The following B3GALNT1 variants were observed in gnomAD, a reference collection of about 807,000 sequenced individuals.
B3GALNT1 encodes UDP-GalNAc:beta-1,3-N-acetylgalactosaminyltransferase 1.
A neutral mutation model predicts 27.3 loss-of-function variants in B3GALNT1; 17 were observed. That is an observed-to-expected ratio of 0.62 (90% CI 0.43 to 0.94). B3GALNT1 has a LOEUF of 0.94. B3GALNT1 is among the 40% of genes least tolerant of loss of function. B3GALNT1 has a pLI of 0.00. For missense variants in B3GALNT1, 347 were observed against 390.0 expected (o/e 0.89, Z 0.93); for synonymous variants, 141 against 144.0 (o/e 0.98, Z 0.15).
At chr3:161,087,734 G>A (rs1389946398) in intron 4 of B3GALNT1, among the ~76,000 whole-genome samples, 5 of 152,094 alleles carry the variant, frequency 3.3e-5, no homozygotes, top group Non-Finnish European at 5.9e-5. Context: ...TTTATAATTC[G>A]GGATTCCATA....
chr3:161,101,333 A>T (rs1420652220), intron 3 of B3GALNT1, 100 bp from the exon 4 acceptor site: 1 of 641,114 alleles, frequency 1.6e-6, no homozygotes, highest in Non-Finnish European at 2.5e-6. Flanking sequence ...AGCTTTATCC[A>T]CTGGAGGAAG....
At chr3:161,088,842 T>C (rs1213511859) in intron 4 of B3GALNT1, among the ~76,000 whole-genome samples, 1 of 152,220 alleles carries the variant, frequency 6.6e-6, no homozygotes, top group African/African-American at 2.4e-5. Context: ...TCTTCAATAA[T>C]GGGAAGAACT....
chr3:161,101,309 GT>G, intron 3 of B3GALNT1, 76 bp from the exon 4 acceptor site: 1 of 921,514 alleles, frequency 1.1e-6, no homozygotes, highest in Non-Finnish European at 1.5e-6. Flanking sequence ...TTCTGTGTCT[GT>G]TTTGTTACAA....
intron 1 of B3GALNT1, 131 bp from the exon 2 acceptor site, chr3:161,104,537 G>T: frequency 2.6e-6 from 1 of 384,774 alleles, no homozygotes; most frequent in Non-Finnish European, 4.8e-6. Flanking sequence ...ATTCCTTACT[G>T]CTTGGAAAAG....
At chr3:161,092,321 A>C (rs1226022277) in intron 4 of B3GALNT1, among the ~76,000 whole-genome samples, 10 of 152,338 alleles carry the variant, frequency 6.6e-5, no homozygotes, top group Admixed American at 6.5e-4. Flanking sequence ...TCTCAGAAAT[A>C]AAACGTTGAG....
rs947328485 is a variant in B3GALNT1, at chr3:161,085,528, T to C, written c.*231A>G. 3 of 540,254 alleles carry C rather than the reference T, an allele frequency of 5.6e-6. No homozygotes were observed. The highest frequency in any genetic ancestry group is 3.8e-5 in the African/African-American group (2 of 52,714). 33.5% of individuals were successfully genotyped at this position (540,254 alleles called of 1,614,324 possible). On this transcript the variant is annotated 3_prime_UTR_variant, in exon 5 of 5. Transcript: ENST00000320474. ...AATTGTTTGGTCCTATTAATTTCTT[T>C]AGCAAAAACCTCCAATTCCTTTATA...
In B3GALNT1 at chr3:161,100,732, C is replaced by T. The variant is rs76399864; in HGVS notation, c.-35+407G>A. ...CAGGACTTTAGAAGGAAAATTTAGC[C>T]GCAATTTTCTTTTTGCTTCTGCCCT... On this transcript the variant is annotated intron_variant, in intron 4 of 4. Transcript: ENST00000320474. Among the ~76,000 whole-genome samples the T allele has an allele frequency of 9.0e-3, 1,376 of 152,102 alleles. 28 individuals carry two copies. Among genetic ancestry groups the T allele is most frequent in the African/African-American group, 0.032 (1,310 of 41,498 alleles).
At chr3:161,096,870 G>C (rs1191503639) in intron 4 of B3GALNT1, among the ~76,000 whole-genome samples, 1 of 152,084 alleles carries the variant, frequency 6.6e-6, no homozygotes, top group Non-Finnish European at 1.5e-5. Flanking sequence ...AAGCCAAGCG[G>C]GATCCCAGGC....
chr3:161,090,964 TTA>T (rs1348852150), intron 4 of B3GALNT1, among the ~76,000 whole-genome samples: 1 of 152,160 alleles, frequency 6.6e-6, no homozygotes, highest in Admixed American at 6.5e-5. Context: ...AAGCTCTTCT[TTA>T]TAGAAAAATG....
At chr3:161,100,101 T>A (rs1006177455) in intron 4 of B3GALNT1, among the ~76,000 whole-genome samples, 6 of 152,326 alleles carry the variant, frequency 3.9e-5, no homozygotes, top group African/African-American at 1.4e-4. Flanking sequence ...TATGTAAGTA[T>A]CACTCCAGAA....
chr3:161,094,208 G>T (rs537054000), intron 4 of B3GALNT1, among the ~76,000 whole-genome samples: 1 of 152,286 alleles, frequency 6.6e-6, no homozygotes, highest in South Asian at 2.1e-4. Context: ...GACCAGAGCT[G>T]CTTTGAGTTT....
Position 161,084,040 on chromosome 3 carries a change from T to C in B3GALNT1, c.*1719A>G, listed in dbSNP as rs971656037. The C allele has an allele frequency of 1.3e-5, 2 of 152,190 alleles. No individual in the cohort carries two copies. The highest frequency in any genetic ancestry group is 2.4e-5 in the African/African-American group (1 of 41,448). 9.4% of individuals were successfully genotyped at this position (152,190 alleles called of 1,614,324 possible). ...GACACGTGAGTAATGCACTAGGCTA[T>C]GACATTAAAACGGCTAAAACATCAT... On this transcript the variant is annotated 3_prime_UTR_variant, in exon 5 of 5. Coordinates refer to ENST00000320474, the MANE Select transcript of B3GALNT1 (RefSeq NM_003781.4).
intron 3 of B3GALNT1, among the ~76,000 whole-genome samples, chr3:161,102,545 C>G (rs952265354): frequency 7.9e-5 from 12 of 152,288 alleles, no homozygotes; most frequent in Middle Eastern, 3.4e-3. Context: ...AAAAGCAAAT[C>G]AGTATTTATA....
chr3:161,097,575 C>G (rs542280184), intron 4 of B3GALNT1, among the ~76,000 whole-genome samples: 1 of 152,278 alleles, frequency 6.6e-6, no homozygotes, highest in East Asian at 1.9e-4. Flanking sequence ...AATACGAGCC[C>G]CAAAGAACTA....
Position 161,084,527 on chromosome 3 carries a change from AC to A in B3GALNT1, c.*1231del, listed in dbSNP as rs1195151155. On this transcript the variant is annotated 3_prime_UTR_variant, in exon 5 of 5. Coordinates refer to ENST00000320474, the MANE Select transcript of B3GALNT1 (RefSeq NM_003781.4). The stretch of plus-strand genomic sequence containing the variant: ...AAACTCTAAAAAGAAAACTGCATAA[AC>A]CCAGGAACAGGGGGCAAGGAGTGCT... The A allele has an allele frequency of 6.6e-6, 1 of 152,172 alleles. No homozygotes were observed. Among genetic ancestry groups the A allele is most frequent in the Non-Finnish European group, 1.5e-5 (1 of 68,002 alleles). 9.4% of individuals were successfully genotyped at this position (152,172 alleles called of 1,614,324 possible). A position where few individuals can be genotyped will look rare whatever the true frequency, so the allele number is the denominator to read the frequency against.
At chr3:161,104,517 G>A (rs1301086736) in intron 1 of B3GALNT1, 111 bp from the exon 2 acceptor site, 24 of 423,844 alleles carry the variant, frequency 5.7e-5, no homozygotes, top group Non-Finnish European at 8.8e-5. Context: ...CCGTACTTGA[G>A]GATGGCATCA....
chr3:161,103,113 C>G (rs907423936), intron 3 of B3GALNT1: 4 of 154,982 alleles, frequency 2.6e-5, no homozygotes, highest in African/African-American at 9.7e-5. Context: ...TGGCACACAC[C>G]TGAAGTCCTC....
At chr3:161,097,964 T>C (rs2108398126) in intron 4 of B3GALNT1, among the ~76,000 whole-genome samples, 1 of 152,300 alleles carries the variant, frequency 6.6e-6, no homozygotes, top group African/African-American at 2.4e-5. Flanking sequence ...CTTAATTTGA[T>C]AACACTTAAA....
In B3GALNT1 at chr3:161,086,040, T is replaced by C. The variant is rs1193541372; in HGVS notation, c.715A>G (p.Ser239Gly). The C allele has an allele frequency of 4.4e-6, 7 of 1,590,744 alleles. No homozygotes were observed. The highest frequency in any genetic ancestry group is 3.5e-5 in the Admixed American group (2 of 56,380). ...YPFKVFPPYCSGLGYIMSRDL... is the reference protein window; with the variant it reads ...YPFKVFPPYCGGLGYIMSRDL... ...CTGGACATTATATAACCCAACCCAC[T>C]GCAGTATGGAGGGAACACCTTGAAA... The change falls in exon 5 of 5, where the codon AGT (serine) becomes GGT (glycine). Residue 239 changes from serine to glycine, a missense_variant. Ser to Gly is a moderately conservative substitution (Grantham distance 56, BLOSUM62 0). Coordinates refer to ENST00000320474, the MANE Select transcript of B3GALNT1 (RefSeq NM_003781.4).
Sources: gnomAD v4.1 joint callset for allele counts (sites outside exome capture counted in the v4.1 genomes callset) on GRCh38, gnomAD v4.1.1 for gene constraint, MANE v1.5 for transcripts, NCBI Gene and HGNC (gene_info 2026-07-23, HGNC 2026-07-21) for gene names.